Variants in DDX43 observed in about 807,000 individuals in gnomAD.
The protein encoded by DDX43 is probable ATP-dependent RNA helicase DDX43.
DDX43 carries 50 observed loss-of-function variants against 84.9 expected under a neutral mutation model. That is an observed-to-expected ratio of 0.59 (90% CI 0.47 to 0.75). The LOEUF (loss-of-function observed/expected upper bound fraction) is 0.75. Ranked by LOEUF, DDX43 falls within the 30% of genes least tolerant of loss-of-function variation. DDX43 has a pLI of 0.00. For synonymous variants in DDX43, 291 were observed against 266.3 expected (o/e 1.09, Z -0.90); for missense variants, 689 against 798.6 (o/e 0.86, Z 1.65).
intron 12 of DDX43, 83 bp from the exon 13 acceptor site, chr6:73,413,887 T>A (rs1769852317): frequency 3.9e-6 from 6 of 1,522,140 alleles, no homozygotes; most frequent in Non-Finnish European, 5.4e-6. Flanking sequence ...TCTGTTATGT[T>A]ACTTTAGATT....
chr6:73,414,994 C>T (rs374698116), intron 14 of DDX43, among the ~76,000 whole-genome samples: 2 of 151,940 alleles, frequency 1.3e-5, no homozygotes, highest in African/African-American at 4.8e-5. Context: ...CGACCTTTTT[C>T]CTCTTAAGAG....
chr6:73,415,646 G>T, intron 15 of DDX43, 62 bp downstream of exon 15: 2 of 1,191,470 alleles, frequency 1.7e-6, no homozygotes, highest in South Asian at 2.7e-5. Context: ...GTTATGCCGG[G>T]TACTATGGCT....
In DDX43 at chr6:73,407,573, T is replaced by G; in HGVS notation, c.995T>G (p.Val332Gly). The change falls in exon 8 of 17, where the codon GTA becomes GGA. Residue 332 changes from valine to glycine, a missense_variant. Transcript: ENST00000370336. ...LTPTRELALQ[V>G]EGECCKYSYK... ...CCCACTCGGGAATTAGCACTTCAAG[T>G]AGAAGGAGAATGTTGCAAATATTCA... 1.2e-6 allele frequency: 2 copies of G among 1,613,958 alleles called. No individual in the cohort carries two copies. Among genetic ancestry groups the G allele is most frequent in the Non-Finnish European group, 1.7e-6 (2 of 1,179,856 alleles).
rs1230209513 is a variant in DDX43 at position 73,406,479 on chromosome 6, C to T, written c.923C>T (p.Pro308Leu). 6.3e-7 allele frequency: 1 copy of T among 1,595,600 alleles called. No homozygotes were observed. Among genetic ancestry groups the T allele is most frequent in the East Asian group, 2.2e-5 (1 of 44,700 alleles). Residue 308 changes from proline to leucine, a missense_variant, in exon 7 of 17, where the codon CCC (proline) becomes CTC (leucine). Physicochemically the swap from Pro to Leu is moderately conservative, Grantham distance 98. Coordinates refer to ENST00000370336, the MANE Select transcript of DDX43 (RefSeq NM_018665.3). The stretch of plus-strand genomic sequence containing the variant: ...GGATTTATTCATCTGGTCCTTCAAC[C>T]CAGGTAAGAATTCCTATGGCTGGTT... ...MPGFIHLVLQ[P>L]SLKGQRNRPG...
At chr6:73,402,633 G>A (rs1046524943) in intron 4 of DDX43, among the ~76,000 whole-genome samples, 1 of 152,164 alleles carries the variant, frequency 6.6e-6, no homozygotes, top group Admixed American at 6.6e-5. Context: ...AGGCTGGAGT[G>A]CAGTGGCGTG....
At chr6:73,399,240 C>G (rs1351278623) in intron 2 of DDX43, among the ~76,000 whole-genome samples, 2 of 152,232 alleles carry the variant, frequency 1.3e-5, no homozygotes, top group Admixed American at 1.3e-4. Flanking sequence ...AGCCACTGCG[C>G]TTGGCTAGAA....
chr6:73,400,152 T>C, intron 2 of DDX43, 82 bp from the exon 3 acceptor site: 1 of 1,174,340 alleles, frequency 8.5e-7, no homozygotes, highest in Non-Finnish European at 1.2e-6. Flanking sequence ...GAGTGATTGT[T>C]GGAAGGGGTT....
intron 1 of DDX43, 122 bp downstream of exon 1, chr6:73,395,277 T>C: frequency 8.1e-7 from 1 of 1,233,980 alleles, no homozygotes; most frequent in Non-Finnish European, 1.1e-6. Flanking sequence ...TTCAGGTCTC[T>C]CCCAGAGCTA....
At chr6:73,398,129 G>C (rs868796448) in intron 2 of DDX43, 1 of 160,598 alleles carries the variant, frequency 6.2e-6, no homozygotes, top group South Asian at 2.0e-4. Context: ...AATTTCTGCT[G>C]AGTTATTAAC....
chr6:73,397,939 G>A (rs185466743), intron 2 of DDX43, 195 bp downstream of exon 2: 189 of 419,090 alleles, frequency 4.5e-4, no homozygotes, highest in Non-Finnish European at 6.9e-4. Context: ...CTGGAATTAC[G>A]GGTTCCCACC....
chr6:73,397,476 A>G (rs1308771127), intron 1 of DDX43, among the ~76,000 whole-genome samples: 1 of 152,188 alleles, frequency 6.6e-6, no homozygotes, highest in Admixed American at 6.6e-5. Flanking sequence ...TACAGAATCC[A>G]TAGTCTCCAC....
chr6:73,412,488 C>A (rs1476631388), intron 11 of DDX43, among the ~76,000 whole-genome samples, 196 bp downstream of exon 11: 1 of 151,504 alleles, frequency 6.6e-6, no homozygotes. Flanking sequence ...CTAGTCAGGG[C>A]CTATATATGT....
chr6:73,394,976 C>T lies in DDX43; in HGVS notation c.71C>T (p.Ser24Phe), dbSNP rs1440659194. 6.2e-7 allele frequency: 1 copy of T among 1,614,264 alleles called. No individual in the cohort carries two copies. The highest frequency in any genetic ancestry group is 1.3e-5 in the African/African-American group (1 of 75,082). The change falls in exon 1 of 17, where the codon TCC (serine) becomes TTC (phenylalanine). Residue 24 changes from serine (S) to phenylalanine (F), a missense_variant. Ser to Phe is a radical substitution (Grantham distance 155). Transcript: ENST00000370336. ...GCTAGTCGGCGAAGCTCGACAGTGT[C>T]CCGAGCGCCAGAGAGGAGGCCGGCG... ...VVASRRSSTV[S>F]RAPERRPAEE... is the part of the protein sequence containing the mutation.
rs930808 is a variant in DDX43, at chr6:73,395,182, A to G, written c.250+27A>G. 27,486 of 1,583,032 alleles carry G rather than the reference A, an allele frequency of 0.017. 2,133 individuals are homozygous for G. The Admixed American group carries it at 0.19, about 11-fold the overall frequency. ...TGAGAATGGGAGTGGCTGGCAGGGC[A>G]GGATAGGTGGGGCCAGGGGCGGAGC... On this transcript the variant is annotated intron_variant, in intron 1 of 16. Coordinates refer to ENST00000370336, the MANE Select transcript of DDX43 (RefSeq NM_018665.3).
At chr6:73,396,832 A>G (rs1395123698) in intron 1 of DDX43, among the ~76,000 whole-genome samples, 1 of 152,160 alleles carries the variant, frequency 6.6e-6, no homozygotes, top group Non-Finnish European at 1.5e-5. Flanking sequence ...TTGTCTTTGT[A>G]ATTGGCTCAT....
chr6:73,405,990 C>T (rs1291960352), intron 6 of DDX43, among the ~76,000 whole-genome samples, 155 bp downstream of exon 6: 1 of 150,836 alleles, frequency 6.6e-6, no homozygotes. Flanking sequence ...AAGTTTGGAG[C>T]TGGGAAAGAA....
rs1335325235 is a variant in DDX43, at chr6:73,405,977, A to C, written c.807+142A>C. 12 of 810,898 alleles carry C rather than the reference A, an allele frequency of 1.5e-5. No homozygotes were observed. The East Asian group carries it at 3.1e-4, about 21-fold the overall frequency. 50.2% of individuals were successfully genotyped at this position (810,898 alleles called of 1,614,324 possible). A position where few individuals can be genotyped will look rare whatever the true frequency, so the allele number is the denominator to read the frequency against. ...CTAGAGTTCAAAAAATCTTTGTTGAAAGAAGTTTGGAGCTGGGAAAGAAGG... is the reference window on the plus strand; with the variant it reads ...CTAGAGTTCAAAAAATCTTTGTTGACAGAAGTTTGGAGCTGGGAAAGAAGG... On this transcript the variant is annotated intron_variant, in intron 6 of 16. Coordinates refer to ENST00000370336, the MANE Select transcript of DDX43 (RefSeq NM_018665.3).
chr6:73,411,175 CAAAAAAAAAAAA>C (rs34679802), intron 10 of DDX43, among the ~76,000 whole-genome samples: 1 of 49,294 alleles, frequency 2.0e-5, no homozygotes, highest in Non-Finnish European at 3.9e-5. Context: ...GACTCCATCT[CAAAAAAAAAAAA>C]AAAAAAAAAA....
At chr6:73,402,089 A>G (rs1026399119) in intron 4 of DDX43, 99 bp downstream of exon 4, 1 of 1,458,036 alleles carries the variant, frequency 6.9e-7, no homozygotes. Context: ...AATGAAATGT[A>G]TATGAAAATA....
Sources: gnomAD v4.1 joint callset for allele counts (sites outside exome capture counted in the v4.1 genomes callset) on GRCh38, gnomAD v4.1.1 for gene constraint, MANE v1.5 for transcripts, NCBI Gene and HGNC (gene_info 2026-07-23, HGNC 2026-07-21) for gene names.